RANBP17: variants seen among roughly 807,000 people sequenced by gnomAD.
RANBP17 encodes ran-binding protein 17.
RANBP17 carries 158 observed loss-of-function variants against 141.2 expected under a neutral mutation model. The observed-to-expected ratio is 1.12, with a 90% confidence interval of 0.98 to 1.28. RANBP17 has a LOEUF of 1.28. Among genes scored for constraint, RANBP17 ranks in the 50% most tolerant of loss-of-function variants. The pLI, the probability that RANBP17 is intolerant of heterozygous loss-of-function variation, is 0.00. For synonymous variants in RANBP17, 430 were observed against 450.0 expected, an observed-to-expected ratio of 0.96 and a Z score of 0.56; for missense variants, 1,438 against 1,290.7, an observed-to-expected ratio of 1.11 and a Z score of -1.75.
At chr5:171,264,273 A>C (rs1277160007) in intron 24 of RANBP17, among the ~76,000 whole-genome samples, 1 of 152,134 alleles carries the variant, frequency 6.6e-6, no homozygotes, top group Non-Finnish European at 1.5e-5. Context: ...TGAAGGATAA[A>C]AGACTACACA....
intron 14 of RANBP17, among the ~76,000 whole-genome samples, chr5:170,994,497 A>C (rs1332837099): frequency 1.3e-5 from 2 of 152,010 alleles, no homozygotes; most frequent in African/African-American, 2.4e-5. Flanking sequence ...TCAGAGTTTG[A>C]TCTTTATAAA....
At chr5:171,296,533 CCT>C (rs913936791) in intron 27 of RANBP17, among the ~76,000 whole-genome samples, 1 of 152,224 alleles carries the variant, frequency 6.6e-6, no homozygotes, top group Admixed American at 6.5e-5. Context: ...TACCCTAAAT[CCT>C]CTGACTTGAT....
chr5:171,005,183 G>C (rs1779507164), intron 14 of RANBP17, among the ~76,000 whole-genome samples: 1 of 152,112 alleles, frequency 6.6e-6, no homozygotes, highest in African/African-American at 2.4e-5. Context: ...GTAATTTATA[G>C]ATTCAATGCC....
intron 21 of RANBP17, among the ~76,000 whole-genome samples, chr5:171,217,491 G>A (rs937584731): frequency 3.3e-5 from 5 of 152,170 alleles, no homozygotes; most frequent in African/African-American, 1.2e-4. Flanking sequence ...AATGGTACCA[G>A]CTCCTCTTTG....
intron 13 of RANBP17, among the ~76,000 whole-genome samples, chr5:170,956,019 T>C (rs923288614): frequency 2.6e-5 from 4 of 151,472 alleles, no homozygotes; most frequent in South Asian, 4.1e-4. Context: ...AATGAAAATA[T>C]CCACCTGTAT....
At chr5:171,078,078 T>C (rs1162031213) in intron 14 of RANBP17, among the ~76,000 whole-genome samples, 1 of 152,012 alleles carries the variant, frequency 6.6e-6, no homozygotes, top group Non-Finnish European at 1.5e-5. Flanking sequence ...AAGAGCTAGC[T>C]AAGATGATTG....
At chr5:171,201,442 T>C (rs1762289620) in intron 19 of RANBP17, among the ~76,000 whole-genome samples, 1 of 152,214 alleles carries the variant, frequency 6.6e-6, no homozygotes, top group South Asian at 2.1e-4. Context: ...TGCCTCAGAA[T>C]GCATGCAGCT....
chr5:171,122,120 C>T (rs1259320593), intron 14 of RANBP17, among the ~76,000 whole-genome samples: 1 of 152,198 alleles, frequency 6.6e-6, no homozygotes, highest in Non-Finnish European at 1.5e-5. Flanking sequence ...TACGCAGATC[C>T]AGTCCACACA....
chr5:171,019,772 A>C (rs1780720218), intron 14 of RANBP17, among the ~76,000 whole-genome samples: 1 of 149,716 alleles, frequency 6.7e-6, no homozygotes, highest in South Asian at 2.1e-4. Flanking sequence ...AAGTTCTTCA[A>C]TTCAGTTCTT....
At chr5:171,276,985 A>G (rs1767528913) in intron 25 of RANBP17, among the ~76,000 whole-genome samples, 1 of 148,512 alleles carries the variant, frequency 6.7e-6, no homozygotes, top group Non-Finnish European at 1.5e-5. Context: ...TTAAATACTA[A>G]CCCCAACTCT....
At chr5:171,080,704 C>T (rs1305426019) in intron 14 of RANBP17, among the ~76,000 whole-genome samples, 1 of 152,136 alleles carries the variant, frequency 6.6e-6, no homozygotes, top group Non-Finnish European at 1.5e-5. Flanking sequence ...AGGACTTCAA[C>T]CTTTTACGGG....
intron 24 of RANBP17, among the ~76,000 whole-genome samples, chr5:171,256,130 A>G (rs2913873): frequency 0.14 from 21,389 of 152,198 alleles, 1,556 homozygotes; most frequent in East Asian, 0.16. Context: ...ACTTTCTTTA[A>G]AAACACTTTT....
chr5:171,147,490 A>G lies in RANBP17; in HGVS notation c.1711-22640A>G, dbSNP rs1336102566. Among the ~76,000 whole-genome samples, 4 of 148,276 alleles carry G rather than the reference A, an allele frequency of 2.7e-5. No individual in the cohort carries two copies. The East Asian group carries it at 8.0e-4, about 30-fold the overall frequency. ...GAGTGCAGTGGCGGTATCTCTGCTC[A>G]CTGCAACCTCCACCTCCCAGGTTCA... On this transcript the variant is annotated intron_variant, in intron 14 of 27. Coordinates refer to ENST00000523189, the MANE Select transcript of RANBP17 (RefSeq NM_022897.5).
In RANBP17 at chr5:170,924,434, G is replaced by A. The variant is rs1267359181; in HGVS notation, c.1352G>A (p.Cys451Tyr). The A allele has an allele frequency of 1.2e-6, 2 of 1,613,544 alleles. No homozygotes were observed. The highest frequency in any genetic ancestry group is 1.3e-5 in the African/African-American group (1 of 75,042). Residue 451 changes from cysteine to tyrosine, a missense_variant, in exon 12 of 28, where the codon TGT (cysteine) becomes TAT (tyrosine). Physicochemically the swap from Cys to Tyr is radical, Grantham distance 194. Transcript: ENST00000523189. Reference sequence around the variant, plus strand: ...GAGCAGTTGTGCACGGTCAGCAGATGTGAATATGAAAAGACATGTGCTCTT... The same window carrying A: ...GAGCAGTTGTGCACGGTCAGCAGATATGAATATGAAAAGACATGTGCTCTT... ...QLEQLCTVSRCEYEKTCALLV... is the reference protein window; with the variant it reads ...QLEQLCTVSRYEYEKTCALLV...
chr5:171,003,832 G>C (rs778498327), intron 14 of RANBP17, among the ~76,000 whole-genome samples: 2 of 152,162 alleles, frequency 1.3e-5, no homozygotes, highest in South Asian at 4.1e-4. Context: ...AGCAAAGAGA[G>C]GCTGGGACGA....
At chr5:170,939,653 T>C (rs186375774) in intron 12 of RANBP17, among the ~76,000 whole-genome samples, 1 of 152,226 alleles carries the variant, frequency 6.6e-6, no homozygotes, top group African/African-American at 2.4e-5. Context: ...CCCAAAATGC[T>C]AGGATTACAG....
At chr5:171,298,402 C>G (rs1768952932) in intron 27 of RANBP17, among the ~76,000 whole-genome samples, 1 of 152,194 alleles carries the variant, frequency 6.6e-6, no homozygotes, top group Non-Finnish European at 1.5e-5. Flanking sequence ...TCAGTAAACT[C>G]AATCCAATGC....
intron 14 of RANBP17, chr5:171,143,519 C>T (rs1233551629): frequency 6.6e-6 from 1 of 152,170 alleles, no homozygotes; most frequent in South Asian, 2.1e-4. Context: ...AAATTTTTTT[C>T]ACCATTTCCT....
chr5:171,110,093 T>A (rs1012109492), intron 14 of RANBP17, among the ~76,000 whole-genome samples: 2 of 151,400 alleles, frequency 1.3e-5, no homozygotes, highest in African/African-American at 4.8e-5. Flanking sequence ...TCATATAAAA[T>A]TTTTTTTTCT....
Sources: allele counts gnomAD v4.1 joint callset (sites outside exome capture counted in the v4.1 genomes callset), GRCh38; gene constraint gnomAD v4.1.1; transcripts MANE v1.5; gene names NCBI Gene and HGNC (gene_info 2026-07-23, HGNC 2026-07-21).